The following BUD23 variants were observed in gnomAD, a reference collection of about 807,000 sequenced individuals.
BUD23 encodes BUD23 rRNA methyltransferase and ribosome maturation factor.
A neutral mutation model predicts 47.0 loss-of-function variants in BUD23; 34 were observed. The ratio of observed to expected loss-of-function variants is 0.72; its 90% CI spans 0.55 to 0.96. The LOEUF (loss-of-function observed/expected upper bound fraction) is 0.96. Among genes scored for constraint, BUD23 ranks in the 40% least tolerant of loss-of-function variants. BUD23 has a pLI of 0.00. For missense variants in BUD23, 343 were observed against 361.2 expected (o/e 0.95, Z 0.41); for synonymous variants, 124 against 132.0 (o/e 0.94, Z 0.41).
chr7:73,693,722 T>G, intron 9 of BUD23, 53 bp downstream of exon 9: 1 of 1,606,580 alleles, frequency 6.2e-7, no homozygotes, highest in South Asian at 1.1e-5. Flanking sequence ...TTCCAGGCAG[T>G]GGGGCTCAGC....
intron 2 of BUD23, among the ~76,000 whole-genome samples, chr7:73,686,112 A>T (rs1797956600): frequency 1.3e-5 from 2 of 151,928 alleles, no homozygotes; most frequent in Admixed American, 6.6e-5. Flanking sequence ...AAAAAAAAAA[A>T]ATATGACTCC....
At chr7:73,684,639 G>T (rs1797875103) in intron 2 of BUD23, among the ~76,000 whole-genome samples, 1 of 148,780 alleles carries the variant, frequency 6.7e-6, no homozygotes, top group African/African-American at 2.5e-5. Context: ...GGGGGCGGGG[G>T]GAAGCTGGCG....
intron 2 of BUD23, among the ~76,000 whole-genome samples, chr7:73,685,557 C>T (rs1797932932): frequency 1.3e-5 from 2 of 152,144 alleles, no homozygotes; most frequent in Non-Finnish European, 2.9e-5. Flanking sequence ...AGGCGCGCCT[C>T]CTCGCGCCCG....
At chr7:73,691,110 C>CT in intron 6 of BUD23, 98 bp downstream of exon 6, 1 of 1,066,764 alleles carries the variant, frequency 9.4e-7, no homozygotes, top group Non-Finnish European at 1.4e-6. Flanking sequence ...GATGGGTAAG[C>CT]TACTCATATG....
At chr7:73,686,558 G>GT (rs565746272) in intron 2 of BUD23, 78 bp from the exon 3 acceptor site, 620 of 1,309,704 alleles carry the variant, frequency 4.7e-4, no homozygotes, top group Admixed American at 1.6e-3. Flanking sequence ...GCTTTTTTTT[G>GT]TTTTTTGTTT....
At position 73,683,609 on chromosome 7, in the gene BUD23, G is replaced by T; in HGVS notation, c.-17G>T. The T allele has an allele frequency of 6.2e-7, 1 of 1,602,726 alleles. No homozygotes were observed. The highest frequency in any genetic ancestry group is 2.3e-5 in the East Asian group (1 of 44,236). ...GCCGGCAGGCGCCAGTCGCAGGTGT[G>T]CTGCTGAGGCGTGAGAATGGCGTCC... On this transcript the variant is annotated 5_prime_UTR_variant, in exon 1 of 12. Coordinates refer to ENST00000265758, the MANE Select transcript of BUD23 (RefSeq NM_017528.5).
At chr7:73,694,263 A>G (rs1197736477) in intron 10 of BUD23, 3 of 523,192 alleles carry the variant, frequency 5.7e-6, no homozygotes, top group Admixed American at 3.8e-5. Flanking sequence ...TGCAGCCTGG[A>G]CTCCCTTTGT....
At chr7:73,697,726 G>A (rs781830080) in intron 11 of BUD23, 32 bp downstream of exon 11, 1 of 1,557,072 alleles carries the variant, frequency 6.4e-7, no homozygotes, top group South Asian at 1.1e-5. Flanking sequence ...GGCAGGGTGG[G>A]TGGGGGGTGG....
chr7:73,697,426 T>C (rs781806045), intron 10 of BUD23, 179 bp from the exon 11 acceptor site: 135 of 1,536,542 alleles, frequency 8.8e-5, no homozygotes, highest in Non-Finnish European at 1.1e-4. Context: ...ATGGATGTTA[T>C]CAGGAAGGAG....
rs1563552383 is a variant in BUD23, at chr7:73,687,078, AT to A, written c.348del (p.Phe116LeufsTer58). 1 of 1,613,784 alleles carries A rather than the reference AT, an allele frequency of 6.2e-7. No individual in the cohort carries two copies. Among genetic ancestry groups the A allele is most frequent in the Non-Finnish European group, 8.5e-7 (1 of 1,180,036 alleles). ...GQGIPFKPGT[F>X]DGCISISAVQ... ...AGGGCATCCCATTCAAGCCAGGCAC[AT>A]TTGATGGTTGCATCAGGTGAGGGTC... On this transcript the variant is annotated frameshift_variant, in exon 5 of 12. Transcript: ENST00000265758. LOFTEE classifies it high-confidence loss of function.
chr7:73,694,249 G>T (rs1343642771), intron 10 of BUD23, 199 bp downstream of exon 10: 1 of 563,890 alleles, frequency 1.8e-6, no homozygotes, highest in Non-Finnish European at 3.0e-6. Flanking sequence ...TCTGGGTGCA[G>T]CCATGCAGCC....
Sources: allele counts gnomAD v4.1 joint callset (sites outside exome capture counted in the v4.1 genomes callset), GRCh38; gene constraint gnomAD v4.1.1; transcripts MANE v1.5; gene names NCBI Gene and HGNC (gene_info 2026-07-23, HGNC 2026-07-21).